The following SLC16A12 variants were observed in gnomAD, a reference collection of about 807,000 sequenced individuals.
SLC16A12 encodes monocarboxylate transporter 12.
SLC16A12 carries 17 observed loss-of-function variants against 42.4 expected under a neutral mutation model. The observed-to-expected ratio is 0.40, with a 90% confidence interval of 0.27 to 0.60. The LOEUF (loss-of-function observed/expected upper bound fraction) is 0.60, where lower values mean the gene tolerates loss of function less well. Among genes scored for constraint, SLC16A12 ranks in the 20% least tolerant of loss-of-function variants. The pLI is 0.42. For missense variants in SLC16A12, 544 were observed against 623.0 expected (o/e 0.87, Z 1.35); for synonymous variants, 224 against 229.4 (o/e 0.98, Z 0.21).
chr10:89,435,459 C>T (rs1841764163), intron 7 of SLC16A12, among the ~76,000 whole-genome samples: 1 of 152,210 alleles, frequency 6.6e-6, no homozygotes. Context: ...AGCCCTAGCT[C>T]AGGCGTTTAT....
rs114345696 is a variant in SLC16A12 at position 89,540,727 on chromosome 10, C to T, written c.-47+15155G>A. On this transcript the variant is annotated intron_variant, in intron 2 of 2. Coordinates refer to the SLC16A12 transcript ENST00000475682. ...CTTAGATCCCAACAACTCTCTTCTCCGATGTCACTTAGTCTCTGGAGCTAA... is the reference window on the plus strand; with the variant it reads ...CTTAGATCCCAACAACTCTCTTCTCTGATGTCACTTAGTCTCTGGAGCTAA... 6.9e-3 allele frequency among the ~76,000 whole-genome samples: 1,048 copies of T among 152,276 alleles called. 12 individuals carry two copies. The highest frequency in any genetic ancestry group is 0.024 in the African/African-American group (1,003 of 41,566).
At chr10:89,472,681 T>C (rs933875001) in intron 2 of SLC16A12, among the ~76,000 whole-genome samples, 2 of 151,746 alleles carry the variant, frequency 1.3e-5, no homozygotes, top group Non-Finnish European at 2.9e-5. Context: ...TTAGTAGCGA[T>C]GGGATTTCAC....
chr10:89,525,993 A>G (rs1843445632), intron 2 of SLC16A12, among the ~76,000 whole-genome samples: 1 of 152,170 alleles, frequency 6.6e-6, no homozygotes, highest in Non-Finnish European at 1.5e-5. Context: ...TAACCACCCA[A>G]GTTTATCCTC....
rs150403873 is a variant in SLC16A12, at chr10:89,443,868, T to C, written c.201-9A>G. 84 of 1,552,936 alleles carry C rather than the reference T, an allele frequency of 5.4e-5. No homozygotes were observed. In the African/African-American group the frequency reaches 6.6e-4, roughly 12 times the overall value. On this transcript the variant is annotated splice_polypyrimidine_tract_variant and intron_variant, in intron 3 of 7. Transcript: ENST00000371790. The stretch of plus-strand genomic sequence containing the variant: ...AAAAAATTGAGATACATCTGAAAAA[T>C]ACAATGCAGGCATTTTATACAAAAA...
At chr10:89,463,332 T>C (rs1217479180) in intron 2 of SLC16A12, among the ~76,000 whole-genome samples, 2 of 151,988 alleles carry the variant, frequency 1.3e-5, no homozygotes, top group African/African-American at 4.8e-5. Flanking sequence ...AAGAATAGAA[T>C]GAGAAATAAA....
At chr10:89,549,900 G>C (rs542404075) in intron 2 of SLC16A12, among the ~76,000 whole-genome samples, 2 of 152,242 alleles carry the variant, frequency 1.3e-5, no homozygotes, top group East Asian at 3.9e-4. Context: ...AGGGAGTAAA[G>C]TGCCTCAGAC....
intron 3 of SLC16A12, among the ~76,000 whole-genome samples, chr10:89,449,987 C>T (rs113986570): frequency 1.3e-5 from 2 of 152,218 alleles, no homozygotes; most frequent in Non-Finnish European, 2.9e-5. Context: ...AACATTTATG[C>T]AGCCAACAGA....
At chr10:89,522,250 A>G (rs945069747) in intron 2 of SLC16A12, among the ~76,000 whole-genome samples, 23 of 152,096 alleles carry the variant, frequency 1.5e-4, no homozygotes, top group Admixed American at 4.6e-4. Flanking sequence ...CTATCCTCCA[A>G]ACATCTCCAA....
At position 89,531,153 on chromosome 10, in the gene SLC16A12, G is replaced by A. The variant is rs564647923; in HGVS notation, c.-47+3348C>T. 3.3e-5 allele frequency among the ~76,000 whole-genome samples: 5 copies of A among 152,122 alleles called. No individual in the cohort carries two copies. The East Asian group carries it at 9.7e-4, about 29-fold the overall frequency. On this transcript the variant is annotated intron_variant, in intron 2 of 7. Transcript: ENST00000371790. ...CAATAGCATCCTGGCACTTTGGGAG[G>A]CCAAGGCAGGCAGATCACCTGAGGT...
Position 89,432,115 on chromosome 10 carries a change from C to G in SLC16A12, c.*949G>C, listed in dbSNP as rs1841703459. On this transcript the variant is annotated 3_prime_UTR_variant, in exon 8 of 8. Transcript: ENST00000371790. ...AGTTCCTGCCCAATTGGAATACTGC[C>G]AACATTTTTCCAACCTAACAGGAAT... The G allele has an allele frequency of 6.6e-6, 1 of 152,606 alleles. No individual in the cohort carries two copies. The highest frequency in any genetic ancestry group is 2.4e-5 in the African/African-American group (1 of 41,424). 9.5% of individuals were successfully genotyped at this position (152,606 alleles called of 1,614,324 possible).
intron 2 of SLC16A12, among the ~76,000 whole-genome samples, chr10:89,523,502 A>G (rs1390497100): frequency 6.6e-6 from 1 of 152,146 alleles, no homozygotes; most frequent in Non-Finnish European, 1.5e-5. Flanking sequence ...CCTCTCTGTC[A>G]TGACTAAAAC....
chr10:89,512,406 G>A (rs1287270875), intron 2 of SLC16A12, among the ~76,000 whole-genome samples: 3 of 152,166 alleles, frequency 2.0e-5, no homozygotes, highest in Admixed American at 1.3e-4. Context: ...GCAGCCTCAG[G>A]TTGGAGGATG....
intron 3 of SLC16A12, among the ~76,000 whole-genome samples, chr10:89,456,522 T>C (rs137897814): frequency 4.8e-4 from 73 of 152,282 alleles, no homozygotes; most frequent in Middle Eastern, 3.4e-3. Context: ...TGATTCTTTT[T>C]TTTTCATTTT....
At chr10:89,549,986 T>A (rs965442274) in intron 2 of SLC16A12, among the ~76,000 whole-genome samples, 1 of 152,172 alleles carries the variant, frequency 6.6e-6, no homozygotes, top group Non-Finnish European at 1.5e-5. Flanking sequence ...TGGACTTTCA[T>A]TCATTCCATT....
chr10:89,460,181 C>T (rs191486063), intron 3 of SLC16A12, among the ~76,000 whole-genome samples: 1 of 152,244 alleles, frequency 6.6e-6, no homozygotes, highest in Non-Finnish European at 1.5e-5. Context: ...GTGCCCACTT[C>T]CAGAACTCTT....
intron 2 of SLC16A12, among the ~76,000 whole-genome samples, chr10:89,528,666 G>A (rs1377277062): frequency 6.6e-6 from 1 of 152,124 alleles, no homozygotes; most frequent in Admixed American, 6.5e-5. Flanking sequence ...GAAATTTTAT[G>A]TTTCAATAAA....
At chr10:89,525,358 A>T (rs538609075) in intron 2 of SLC16A12, among the ~76,000 whole-genome samples, 1 of 152,190 alleles carries the variant, frequency 6.6e-6, no homozygotes, top group Admixed American at 6.5e-5. Flanking sequence ...TGAGATACCA[A>T]TTTGGGTCCA....
At chr10:89,494,707 A>G (rs574938140) in intron 2 of SLC16A12, among the ~76,000 whole-genome samples, 11 of 152,354 alleles carry the variant, frequency 7.2e-5, no homozygotes, top group Admixed American at 5.2e-4. Context: ...CTAATCCAAC[A>G]TGGAAGGGAG....
In SLC16A12 at chr10:89,430,957, C is replaced by T. The variant is rs564408593; in HGVS notation, c.*2107G>A. ...ATTTAGGGCAAAGTGCTATTCCAAACAGATATAACTTCATCTTAACTTTGA... is the reference window on the plus strand; with the variant it reads ...ATTTAGGGCAAAGTGCTATTCCAAATAGATATAACTTCATCTTAACTTTGA... On this transcript the variant is annotated 3_prime_UTR_variant, in exon 8 of 8. Coordinates refer to ENST00000371790, the MANE Select transcript of SLC16A12 (RefSeq NM_213606.4). 2 of 320,288 alleles carry T rather than the reference C, an allele frequency of 6.2e-6. No individual in the cohort carries two copies. Among genetic ancestry groups the T allele is most frequent in the Non-Finnish European group, 1.2e-5 (2 of 167,336 alleles). 19.8% of individuals were successfully genotyped at this position (320,288 alleles called of 1,614,324 possible). A position where few individuals can be genotyped will look rare whatever the true frequency, so the allele number is the denominator to read the frequency against.
Sources: gnomAD v4.1 joint callset for allele counts (sites outside exome capture counted in the v4.1 genomes callset) on GRCh38, gnomAD v4.1.1 for gene constraint, MANE v1.5 for transcripts, NCBI Gene and HGNC (gene_info 2026-07-23, HGNC 2026-07-21) for gene names.